The following FTCDNL1 variants were observed in gnomAD, a reference collection of about 807,000 sequenced individuals.
FTCDNL1 encodes the protein formiminotransferase N-terminal subdomain-containing protein.
A neutral mutation model predicts 5.9 loss-of-function variants in FTCDNL1; 11 were observed. The ratio of observed to expected loss-of-function variants is 1.87; its 90% CI spans 1.18 to 3.10. FTCDNL1 has a LOEUF of 3.10. Ranked by LOEUF, FTCDNL1 falls within the 30% of genes most tolerant of loss-of-function variation. FTCDNL1 has a pLI of 0.00. For missense variants in FTCDNL1, 115 were observed against 65.5 expected, an observed-to-expected ratio of 1.76 and a Z score of -2.61; for synonymous variants, 58 against 24.8, an observed-to-expected ratio of 2.34 and a Z score of -3.99.
chr2:199,773,330 T>A (rs979107998), intron 3 of FTCDNL1, among the ~76,000 whole-genome samples: 2 of 151,816 alleles, frequency 1.3e-5, no homozygotes, highest in Non-Finnish European at 2.9e-5. Context: ...TTATTACCAG[T>A]CCCCATCTAC....
Position 199,812,402 on chromosome 2 carries a change from C to T in FTCDNL1, c.*303G>A. Reference sequence around the variant, plus strand: ...AATCAAATTCTGTGTTTAAATCCAGCAGTCCCATTGACCTTATTTAAATGC... The same window carrying T: ...AATCAAATTCTGTGTTTAAATCCAGTAGTCCCATTGACCTTATTTAAATGC... On this transcript the variant is annotated 3_prime_UTR_variant, in exon 5 of 5. Coordinates refer to ENST00000420128, the MANE Select transcript of FTCDNL1 (RefSeq NM_001363886.2). 3.2e-6 allele frequency: 1 copy of T among 310,394 alleles called. No homozygotes were observed. The highest frequency in any genetic ancestry group is 5.8e-6 in the Non-Finnish European group (1 of 172,212). 19.2% of individuals were successfully genotyped at this position (310,394 alleles called of 1,614,324 possible). A position where few individuals can be genotyped will look rare whatever the true frequency, so the allele number is the denominator to read the frequency against.
chr2:199,721,887 CT>C, the FTCDNL1 span, among the ~76,000 whole-genome samples: 1 of 152,108 alleles, frequency 6.6e-6, no homozygotes, highest in African/African-American at 2.4e-5. Flanking sequence ...TGATATTGAG[CT>C]TTTTTATATA....
rs1271008631 is a variant in FTCDNL1 at position 199,812,658 on chromosome 2, T to C, written c.*47A>G. The C allele has an allele frequency of 1.4e-6, 1 of 691,556 alleles. No individual in the cohort carries two copies. Among genetic ancestry groups the C allele is most frequent in the Non-Finnish European group, 2.6e-6 (1 of 380,508 alleles). The allele number at this position is 691,556 out of a possible 1,614,324, so 42.8% of individuals were successfully genotyped here. The stretch of plus-strand genomic sequence containing the variant: ...TCAGCTGCTCTGGTGGCAGCACGGA[T>C]CCCCTCACTGCAAGGCTGAAATTCC... On this transcript the variant is annotated 3_prime_UTR_variant, in exon 5 of 5. Coordinates refer to ENST00000420128, the MANE Select transcript of FTCDNL1 (RefSeq NM_001363886.2).
chr2:199,691,014 T>C, the FTCDNL1 span, among the ~76,000 whole-genome samples: 1 of 152,140 alleles, frequency 6.6e-6, no homozygotes, highest in Non-Finnish European at 1.5e-5. Flanking sequence ...TATACAAACA[T>C]AGGCCAAAAG....
chr2:199,742,659 T>G, the FTCDNL1 span, among the ~76,000 whole-genome samples: 1 of 152,252 alleles, frequency 6.6e-6, no homozygotes, highest in South Asian at 2.1e-4. Flanking sequence ...AATATATGAT[T>G]ATCTCCATCT....
intron 1 of FTCDNL1, among the ~76,000 whole-genome samples, chr2:199,849,465 A>G (rs2076818594): frequency 6.6e-6 from 1 of 152,256 alleles, no homozygotes. Flanking sequence ...CATGCCATGG[A>G]CATTATACAA....
At chr2:199,796,992 C>T (rs1559195499) in intron 3 of FTCDNL1, among the ~76,000 whole-genome samples, 1 of 152,022 alleles carries the variant, frequency 6.6e-6, no homozygotes, top group Non-Finnish European at 1.5e-5. Context: ...GAACTGACCA[C>T]TAGATAACCC....
the FTCDNL1 span, among the ~76,000 whole-genome samples, chr2:199,674,674 T>C: frequency 2.0e-5 from 3 of 152,210 alleles, no homozygotes; most frequent in Non-Finnish European, 4.4e-5. Flanking sequence ...TATGTCCTCA[T>C]ATGCACACTT....
In FTCDNL1 at chr2:199,812,292, C is replaced by A. The variant is rs74434209; in HGVS notation, c.*413G>T. Among the ~76,000 whole-genome samples the A allele has an allele frequency of 4.4e-3, 670 of 152,288 alleles. 4 individuals are homozygous for A. Among genetic ancestry groups the A allele is most frequent in the African/African-American group, 0.015 (629 of 41,572 alleles). ...AAGAAAGAAAAAGAAGAGAAAATTT[C>A]TCTTTCTGCCCAAATTCACGCTTTT... is the stretch of plus-strand genomic sequence containing the variant. On this transcript the variant is annotated 3_prime_UTR_variant, in exon 5 of 5. Coordinates refer to ENST00000420128, the MANE Select transcript of FTCDNL1 (RefSeq NM_001363886.2).
rs1417434658 is a variant in FTCDNL1, at chr2:199,776,966, G to A, written c.212-16131C>T. Among the ~76,000 whole-genome samples the A allele has an allele frequency of 8.5e-3, 971 of 114,232 alleles. 10 individuals carry two copies. The highest frequency in any genetic ancestry group is 0.027 in the African/African-American group (835 of 31,044). The allele number at this position is 114,232 out of a possible 152,430, so 74.9% of individuals were successfully genotyped here. On this transcript the variant is annotated intron_variant, in intron 3 of 3. Transcript: ENST00000416668. Reference sequence around the variant, plus strand: ...CACAGAGATGTGTGTATATGTGTGTGTGTGTGTGTGTGTGTGTGTGTGTGT... The same window carrying A: ...CACAGAGATGTGTGTATATGTGTGTATGTGTGTGTGTGTGTGTGTGTGTGT...
chr2:199,842,541 G>A (rs372718365), intron 3 of FTCDNL1, among the ~76,000 whole-genome samples: 3 of 152,098 alleles, frequency 2.0e-5, no homozygotes, highest in East Asian at 1.9e-4. Context: ...ATGCACATGC[G>A]TAAAAACTTG....
chr2:199,792,300 G>GGTGAGA (rs1699971628), intron 3 of FTCDNL1, among the ~76,000 whole-genome samples: 2 of 151,980 alleles, frequency 1.3e-5, no homozygotes, highest in Non-Finnish European at 2.9e-5. Flanking sequence ...AAAGTACATT[G>GGTGAGA]AACGTTATTT....
the FTCDNL1 span, among the ~76,000 whole-genome samples, chr2:199,723,027 C>T: frequency 5.3e-5 from 8 of 151,802 alleles, no homozygotes; most frequent in East Asian, 9.7e-4. Flanking sequence ...AAATGTGTGT[C>T]GTGGTGGTTT....
rs1405750624 is a variant in FTCDNL1 at position 199,810,324 on chromosome 2, A to T, written c.*2381T>A. Reference sequence around the variant, plus strand: ...TCTCAAAACCAGTCTTAATTAGGGAAAGAGGTCACTAAAAACTAACAAACA... The same window carrying T: ...TCTCAAAACCAGTCTTAATTAGGGATAGAGGTCACTAAAAACTAACAAACA... On this transcript the variant is annotated 3_prime_UTR_variant, in exon 5 of 5. Transcript: ENST00000420128. 1.3e-5 allele frequency among the ~76,000 whole-genome samples: 2 copies of T among 152,230 alleles called. No homozygotes were observed.
chr2:199,672,472 C>A, the FTCDNL1 span, among the ~76,000 whole-genome samples: 1 of 152,100 alleles, frequency 6.6e-6, no homozygotes, highest in Non-Finnish European at 1.5e-5. Flanking sequence ...TAGCAAATCA[C>A]CCCAAAACTT....
At chr2:199,807,533 A>G (rs1700792477), downstream of FTCDNL1, among the ~76,000 whole-genome samples, 1 of 152,124 alleles carries the variant, frequency 6.6e-6, no homozygotes, top group African/African-American at 2.4e-5. Context: ...GCTACTCAGG[A>G]GGCTGAGGTA....
At chr2:199,781,286 C>G (rs542571015) in intron 3 of FTCDNL1, among the ~76,000 whole-genome samples, 28 of 152,314 alleles carry the variant, frequency 1.8e-4, no homozygotes, top group Admixed American at 1.0e-3. Flanking sequence ...TATGCTACCA[C>G]CAAAATATGA....
chr2:199,807,356 G>A (rs1242943603), downstream of FTCDNL1, among the ~76,000 whole-genome samples: 1 of 152,218 alleles, frequency 6.6e-6, no homozygotes, highest in African/African-American at 2.4e-5. Flanking sequence ...ATTATTTATT[G>A]GCCAGGCATG....
At chr2:199,697,755 G>T in the FTCDNL1 span, among the ~76,000 whole-genome samples, 1 of 152,126 alleles carries the variant, frequency 6.6e-6, no homozygotes, top group Non-Finnish European at 1.5e-5. Context: ...ACAACATGAT[G>T]ACAGGATCAA....
Sources: allele counts gnomAD v4.1 joint callset (sites outside exome capture counted in the v4.1 genomes callset), GRCh38; gene constraint gnomAD v4.1.1; transcripts MANE v1.5; gene names NCBI Gene and HGNC (gene_info 2026-07-23, HGNC 2026-07-21).